Variants in AGMO observed in about 807,000 individuals in gnomAD.
The protein encoded by AGMO is alkylglycerol monooxygenase.
AGMO carries 75 observed loss-of-function variants against 60.2 expected under a neutral mutation model. The ratio of observed to expected loss-of-function variants is 1.25; its 90% confidence interval spans 1.03 to 1.51. The LOEUF (loss-of-function observed/expected upper bound fraction) is 1.51, where lower values mean the gene tolerates loss of function less well. Ranked by LOEUF, AGMO falls within the 40% of genes most tolerant of loss-of-function variation. The pLI, the probability that AGMO is intolerant of heterozygous loss-of-function variation, is 0.00. For missense variants in AGMO, 763 were observed against 525.5 expected, an observed-to-expected ratio of 1.45 and a Z score of -4.42; for synonymous variants, 261 against 177.1, an observed-to-expected ratio of 1.47 and a Z score of -3.76.
At chr7:15,231,444 A>G (rs975643968) in intron 12 of AGMO, among the ~76,000 whole-genome samples, 1 of 152,182 alleles carries the variant, frequency 6.6e-6, no homozygotes, top group Admixed American at 6.5e-5. Flanking sequence ...GGCATCCCTC[A>G]TATCATGAGC....
chr7:15,477,730 C>T (rs1401914723), intron 3 of AGMO, among the ~76,000 whole-genome samples: 1 of 152,166 alleles, frequency 6.6e-6, no homozygotes, highest in Non-Finnish European at 1.5e-5. Flanking sequence ...TCACCAGACA[C>T]TCAAAAGTGA....
intron 12 of AGMO, among the ~76,000 whole-genome samples, chr7:15,210,676 T>A (rs978492947): frequency 7.2e-5 from 11 of 152,248 alleles, no homozygotes; most frequent in African/African-American, 2.4e-4. Flanking sequence ...GAATTGCATT[T>A]AATTTTCTGT....
chr7:15,261,988 C>T (rs1783286680), intron 12 of AGMO, among the ~76,000 whole-genome samples: 2 of 151,988 alleles, frequency 1.3e-5, no homozygotes, highest in African/African-American at 2.4e-5. Context: ...ATAGAAGGGA[C>T]ATATTTTAAG....
chr7:15,295,620 T>C (rs1295082986), intron 12 of AGMO, among the ~76,000 whole-genome samples: 1 of 152,082 alleles, frequency 6.6e-6, no homozygotes, highest in Non-Finnish European at 1.5e-5. Context: ...AAATAATATA[T>C]AGATGTTTTG....
intron 12 of AGMO, among the ~76,000 whole-genome samples, chr7:15,303,819 T>C (rs1022711801): frequency 6.6e-6 from 1 of 152,162 alleles, no homozygotes; most frequent in South Asian, 2.1e-4. Flanking sequence ...TACTCTTGTA[T>C]GTTTACCCCC....
the AGMO span, among the ~76,000 whole-genome samples, chr7:15,131,569 C>A: frequency 6.6e-6 from 1 of 152,068 alleles, no homozygotes. Flanking sequence ...TGTTTGACTA[C>A]TTAGCAGAAT....
the AGMO span, among the ~76,000 whole-genome samples, chr7:15,191,845 T>C: frequency 2.0e-5 from 3 of 152,224 alleles, no homozygotes; most frequent in Middle Eastern, 3.4e-3. Context: ...CAGTGTTAAA[T>C]AATGTAAAAG....
At chr7:15,179,756 TG>T in the AGMO span, among the ~76,000 whole-genome samples, 4 of 152,198 alleles carry the variant, frequency 2.6e-5, no homozygotes, top group South Asian at 8.3e-4. Context: ...CCAGGCTATA[TG>T]TGACATCATT....
intron 3 of AGMO, 101 bp from the exon 4 acceptor site, chr7:15,431,209 G>A: frequency 2.6e-6 from 2 of 761,724 alleles, no homozygotes; most frequent in Non-Finnish European, 4.4e-6. Flanking sequence ...AGAAAAATCT[G>A]GAACATCTCT....
chr7:15,329,125 G>C (rs1334494903), intron 12 of AGMO, among the ~76,000 whole-genome samples: 1 of 152,058 alleles, frequency 6.6e-6, no homozygotes, highest in African/African-American at 2.4e-5. Flanking sequence ...ACCACTATGT[G>C]CATACTGTAT....
At chr7:15,288,111 C>G (rs1477954423) in intron 12 of AGMO, among the ~76,000 whole-genome samples, 2 of 151,928 alleles carry the variant, frequency 1.3e-5, no homozygotes, top group African/African-American at 4.8e-5. Context: ...GCAAGCTCCG[C>G]CTCCCGGGTT....
At chr7:15,558,956 G>A (rs1785228263) in intron 2 of AGMO, among the ~76,000 whole-genome samples, 1 of 152,022 alleles carries the variant, frequency 6.6e-6, no homozygotes, top group Admixed American at 6.6e-5. Flanking sequence ...TGGGAAGCTG[G>A]AATGAGAACA....
At chr7:15,226,144 T>C (rs1436106079) in intron 12 of AGMO, among the ~76,000 whole-genome samples, 1 of 152,012 alleles carries the variant, frequency 6.6e-6, no homozygotes, top group Non-Finnish European at 1.5e-5. Context: ...CTGGCTAAAA[T>C]CTTATCAAAC....
At chr7:15,501,582 A>G (rs1783386366) in intron 3 of AGMO, among the ~76,000 whole-genome samples, 2 of 152,026 alleles carry the variant, frequency 1.3e-5, no homozygotes, top group African/African-American at 4.8e-5. Context: ...TATGCCCTAC[A>G]GAGGAAGATG....
intron 12 of AGMO, among the ~76,000 whole-genome samples, chr7:15,352,095 T>C (rs979314129): frequency 1.3e-5 from 2 of 152,210 alleles, no homozygotes; most frequent in Non-Finnish European, 2.9e-5. Context: ...AATGCTCTTT[T>C]ACCATTAAGC....
At chr7:15,184,502 AAT>A in the AGMO span, among the ~76,000 whole-genome samples, 1 of 120,220 alleles carries the variant, frequency 8.3e-6, no homozygotes, top group Non-Finnish European at 1.7e-5. Flanking sequence ...GGAAGGAAGG[AAT>A]AGAAGGAAGG....
intron 4 of AGMO, among the ~76,000 whole-genome samples, chr7:15,420,127 A>ATAGTTCATTATAATTTCCCAAAGTGT (rs1389768611): frequency 6.6e-6 from 1 of 152,134 alleles, no homozygotes; most frequent in Non-Finnish European, 1.5e-5. Context: ...ATGAATATTT[A>ATAGTTCATTATAATTTCCCAAAGTGT]TAGTTCATTA....
At chr7:15,254,523 T>C (rs931746645) in intron 12 of AGMO, among the ~76,000 whole-genome samples, 6 of 152,186 alleles carry the variant, frequency 3.9e-5, no homozygotes, top group African/African-American at 1.4e-4. Context: ...CTATTGGTCA[T>C]TTCTTTATAG....
intron 5 of AGMO, chr7:15,396,709 G>C (rs1009817957): frequency 2.6e-5 from 4 of 151,350 alleles, no homozygotes; most frequent in African/African-American, 7.3e-5. Context: ...CCACTTTACA[G>C]AGAGCTGATT....
Sources: allele counts gnomAD v4.1 joint callset (sites outside exome capture counted in the v4.1 genomes callset), GRCh38; gene constraint gnomAD v4.1.1; transcripts MANE v1.5; gene names NCBI Gene and HGNC (gene_info 2026-07-23, HGNC 2026-07-21).